The following RIMS1 variants were observed in gnomAD, a reference collection of about 807,000 sequenced individuals.
The protein encoded by RIMS1 is regulating synaptic membrane exocytosis protein 1.
In RIMS1, 83 loss-of-function variants were observed where a neutral mutation model predicts 214.1. The observed-to-expected ratio is 0.39, with a 90% CI of 0.32 to 0.47. RIMS1 has a LOEUF of 0.47. RIMS1 is among the 20% of genes least tolerant of loss of function. RIMS1 has a pLI of 0.99. For synonymous variants in RIMS1, 793 were observed against 786.8 expected (o/e 1.01, Z -0.13); for missense variants, 2,050 against 2,161.8 (o/e 0.95, Z 1.03).
intron 1 of RIMS1, among the ~76,000 whole-genome samples, chr6:71,887,820 C>T (rs1332071472): frequency 3.9e-5 from 6 of 152,108 alleles, no homozygotes; most frequent in Admixed American, 2.0e-4. Flanking sequence ...CACAGCATAC[C>T]TGTGTGAAGA....
intron 2 of RIMS1, among the ~76,000 whole-genome samples, chr6:72,042,556 T>C (rs1195467926): frequency 1.3e-5 from 2 of 151,952 alleles, no homozygotes; most frequent in Non-Finnish European, 2.9e-5. Context: ...TGCCGTAATT[T>C]ATTTTTAAAT....
In RIMS1 at chr6:72,163,625, T is replaced by G. The variant is rs766617155; in HGVS notation, c.472-15950T>G. Among the ~76,000 whole-genome samples the G allele has an allele frequency of 9.9e-5, 14 of 141,236 alleles. 1 individual carries two copies. The highest frequency in any genetic ancestry group is 1.6e-4 in the Non-Finnish European group (10 of 62,068). 92.7% of individuals were successfully genotyped at this position (141,236 alleles called of 152,430 possible). A position where few individuals can be genotyped will look rare whatever the true frequency, so the allele number is the denominator to read the frequency against. On this transcript the variant is annotated intron_variant, in intron 4 of 33. Transcript: ENST00000521978. Reference sequence around the variant, plus strand: ...CAGGCAAGACCCTCAGCTGCAGGTCTGTTGGAGTTTGCTGGAGGTCTACTC... The same window carrying G: ...CAGGCAAGACCCTCAGCTGCAGGTCGGTTGGAGTTTGCTGGAGGTCTACTC...
At chr6:72,294,815 C>T (rs1203491205) in intron 26 of RIMS1, among the ~76,000 whole-genome samples, 1 of 151,724 alleles carries the variant, frequency 6.6e-6, no homozygotes, top group Non-Finnish European at 1.5e-5. Flanking sequence ...TACATAGAGC[C>T]AGATTATGTT....
intron 4 of RIMS1, among the ~76,000 whole-genome samples, chr6:72,165,505 C>T (rs2046128550): frequency 6.6e-6 from 1 of 152,080 alleles, no homozygotes. Flanking sequence ...TCCTCTCTTT[C>T]TGCCTTTATA....
intron 4 of RIMS1, among the ~76,000 whole-genome samples, chr6:72,102,654 A>T (rs138294225): frequency 6.6e-6 from 1 of 152,140 alleles, no homozygotes; most frequent in Non-Finnish European, 1.5e-5. Flanking sequence ...TGAATGGTAT[A>T]GTGCCAACTG....
Position 72,182,520 on chromosome 6 carries a change from A to C in RIMS1, c.1049A>C (p.Asp350Ala), listed in dbSNP as rs751987045. ...GAGGAAAAGCAAAGAAAAGAGGAGG[A>C]TTATCAGACCAGGTACCGCAGCGAC... The part of the protein sequence containing the change: ...ADEEKQRKEE[D>A]YQTRYRSDPN... Residue 350 changes from aspartate to alanine, a missense_variant, in exon 6 of 34, where the codon GAT (aspartate) becomes GCT (alanine). By Grantham distance (126) the Asp-to-Ala change is moderately radical. This residue lies in a region of RIMS1 where 882 missense variants were observed against 828.9 expected (regional missense o/e 1.06). Transcript: ENST00000521978. The C allele has an allele frequency of 3.2e-6, 5 of 1,582,276 alleles. No homozygotes were observed. In the South Asian group the frequency reaches 5.7e-5, roughly 18 times the overall value.
intron 4 of RIMS1, among the ~76,000 whole-genome samples, chr6:72,174,861 T>C (rs989563634): frequency 6.6e-6 from 1 of 152,194 alleles, no homozygotes; most frequent in Admixed American, 6.5e-5. Flanking sequence ...ATTTTTGTCT[T>C]TCATAAAACC....
chr6:72,361,124 TTTG>T (rs1235177971), intron 29 of RIMS1, among the ~76,000 whole-genome samples: 3 of 142,438 alleles, frequency 2.1e-5, no homozygotes, highest in African/African-American at 7.9e-5. Context: ...TTTTTTTTTT[TTTG>T]AGACAGATTC....
chr6:71,941,164 G>A (rs1255733977), intron 1 of RIMS1, among the ~76,000 whole-genome samples: 2 of 151,876 alleles, frequency 1.3e-5, no homozygotes, highest in African/African-American at 2.4e-5. Flanking sequence ...ATAAACCTAT[G>A]TAATTGTCCA....
At chr6:71,922,610 A>G (rs999999939) in intron 1 of RIMS1, among the ~76,000 whole-genome samples, 21 of 152,216 alleles carry the variant, frequency 1.4e-4, no homozygotes, top group African/African-American at 5.1e-4. Context: ...TCAAAGTTTC[A>G]TTCCTTTTTA....
intron 23 of RIMS1, among the ~76,000 whole-genome samples, chr6:72,281,794 A>G (rs1293994725): frequency 6.6e-6 from 1 of 152,044 alleles, no homozygotes; most frequent in East Asian, 1.9e-4. Flanking sequence ...AAATTGCAAT[A>G]TGCTCCTGCC....
chr6:72,174,424 G>T (rs1173757825), intron 4 of RIMS1, among the ~76,000 whole-genome samples: 1 of 152,154 alleles, frequency 6.6e-6, no homozygotes, highest in Non-Finnish European at 1.5e-5. Flanking sequence ...AAATTATACA[G>T]AGAGCCCCAA....
At chr6:72,276,373 C>A (rs920284425) in intron 23 of RIMS1, among the ~76,000 whole-genome samples, 7 of 151,910 alleles carry the variant, frequency 4.6e-5, no homozygotes, top group African/African-American at 1.7e-4. Context: ...GTAAGTTTAT[C>A]TGGGCATTGA....
intron 6 of RIMS1, among the ~76,000 whole-genome samples, chr6:72,225,179 G>T (rs541586992): frequency 1.3e-5 from 2 of 152,104 alleles, no homozygotes; most frequent in African/African-American, 2.4e-5. Context: ...GGGATCTCTG[G>T]TGTCAAAACT....
At chr6:72,041,436 A>G (rs1821405399) in intron 2 of RIMS1, among the ~76,000 whole-genome samples, 1 of 151,924 alleles carries the variant, frequency 6.6e-6, no homozygotes, top group African/African-American at 2.4e-5. Context: ...TATCTTGATG[A>G]CTTAAGATGA....
intron 1 of RIMS1, among the ~76,000 whole-genome samples, chr6:71,962,917 C>G (rs945059929): frequency 1.3e-4 from 20 of 152,010 alleles, no homozygotes; most frequent in African/African-American, 4.8e-4. Context: ...TCCAGTATTG[C>G]CATTGGTCTT....
intron 2 of RIMS1, among the ~76,000 whole-genome samples, chr6:72,005,802 A>C (rs1807322895): frequency 6.6e-6 from 1 of 152,236 alleles, no homozygotes; most frequent in South Asian, 2.1e-4. Flanking sequence ...GACATGGGAC[A>C]TGTAGATTAG....
At position 72,182,387 on chromosome 6, in the gene RIMS1, G is replaced by A. The variant is rs775577398; in HGVS notation, c.916G>A (p.Glu306Lys). 7.4e-6 allele frequency: 12 copies of A among 1,613,916 alleles called. No individual in the cohort carries two copies. The highest frequency in any genetic ancestry group is 1.0e-5 in the Non-Finnish European group (12 of 1,179,886). ...TSAQPVEGAV[E>K]ERERKERRES... ...AGCGCAGCCCGTGGAGGGGGCCGTC[G>A]AAGAACGGGAGCGCAAAGAAAGGCG... The change falls in exon 6 of 34, where the codon GAA becomes AAA. Residue 306 changes from glutamate to lysine, a missense_variant. Glu to Lys is a moderately conservative substitution (Grantham distance 56). This residue lies in a region of RIMS1 where 882 missense variants were observed against 828.9 expected (regional missense o/e 1.06). Coordinates refer to ENST00000521978, the MANE Select transcript of RIMS1 (RefSeq NM_014989.7).
chr6:72,115,948 A>G (rs1313065550), intron 4 of RIMS1, among the ~76,000 whole-genome samples: 2 of 151,938 alleles, frequency 1.3e-5, no homozygotes, highest in African/African-American at 4.8e-5. Context: ...AGAACTAGAG[A>G]CTATGGCTAG....
Sources: allele counts gnomAD v4.1 joint callset (sites outside exome capture counted in the v4.1 genomes callset), GRCh38; gene constraint gnomAD v4.1.1; regional missense constraint gnomAD v4.1.1; transcripts MANE v1.5; gene names NCBI Gene and HGNC (gene_info 2026-07-23, HGNC 2026-07-21).